Variants in CRADD observed in about 807,000 individuals in gnomAD.
CRADD encodes the protein CARD and death domain containing adaptor protein.
In CRADD, 9 loss-of-function variants were observed where a neutral mutation model predicts 15.5. The ratio of observed to expected loss-of-function variants is 0.58; its 90% CI spans 0.35 to 1.01. CRADD has a LOEUF of 1.01. Ranked by LOEUF, CRADD falls within the 50% of genes least tolerant of loss-of-function variation. The pLI is 0.02. For missense variants in CRADD, 227 were observed against 250.3 expected, an observed-to-expected ratio of 0.91 and a Z score of 0.63; for synonymous variants, 118 against 107.6, an observed-to-expected ratio of 1.10 and a Z score of -0.60.
intron 2 of CRADD, among the ~76,000 whole-genome samples, chr12:93,782,958 G>A (rs1592986310): frequency 6.6e-6 from 1 of 152,012 alleles, no homozygotes; most frequent in East Asian, 1.9e-4. Context: ...GTTTTTGGGG[G>A]TTCTTTACAC....
At chr12:93,717,978 C>T (rs1380401754) in intron 2 of CRADD, among the ~76,000 whole-genome samples, 2 of 152,194 alleles carry the variant, frequency 1.3e-5, no homozygotes, top group Admixed American at 1.3e-4. Context: ...TCAAAGATCA[C>T]TTAACTTTGT....
At chr12:93,815,617 G>C (rs1049863616) in intron 2 of CRADD, 4 of 152,194 alleles carry the variant, frequency 2.6e-5, no homozygotes, top group Non-Finnish European at 4.4e-5. Context: ...GTTATAAAAA[G>C]TGTGTTTTAT....
At chr12:93,743,670 C>T (rs2136931340) in intron 2 of CRADD, among the ~76,000 whole-genome samples, 1 of 152,264 alleles carries the variant, frequency 6.6e-6, no homozygotes, top group African/African-American at 2.4e-5. Context: ...GTGGTGCATG[C>T]TTGAAGACCG....
At chr12:93,750,874 T>C (rs1956821076) in intron 2 of CRADD, among the ~76,000 whole-genome samples, 1 of 152,214 alleles carries the variant, frequency 6.6e-6, no homozygotes, top group Non-Finnish European at 1.5e-5. Flanking sequence ...TATAGTATGA[T>C]AGAGAGGTAA....
chr12:93,747,895 A>G (rs1302284036), intron 2 of CRADD, among the ~76,000 whole-genome samples: 1 of 152,020 alleles, frequency 6.6e-6, no homozygotes, highest in African/African-American at 2.4e-5. Context: ...CTGAAATAAC[A>G]CCGCTTTTAA....
At chr12:93,847,509 A>AC (rs1484812890) in intron 2 of CRADD, among the ~76,000 whole-genome samples, 3 of 147,622 alleles carry the variant, frequency 2.0e-5, no homozygotes, top group African/African-American at 5.0e-5. Context: ...AAAAAAAAAA[A>AC]AAAAAAAAAA....
intron 2 of CRADD, among the ~76,000 whole-genome samples, chr12:93,779,138 G>A (rs1957172035): frequency 6.6e-6 from 1 of 152,194 alleles, no homozygotes; most frequent in Non-Finnish European, 1.5e-5. Context: ...TGTAGTCATT[G>A]ATGAGGACTT....
At chr12:93,739,753 T>G (rs1344965709) in intron 2 of CRADD, among the ~76,000 whole-genome samples, 1 of 152,166 alleles carries the variant, frequency 6.6e-6, no homozygotes, top group Non-Finnish European at 1.5e-5. Flanking sequence ...AAAAATTATT[T>G]TTCATTTAAC....
At chr12:93,738,451 T>C (rs1349222517) in intron 2 of CRADD, 12 of 702,266 alleles carry the variant, frequency 1.7e-5, no homozygotes, top group Middle Eastern at 4.6e-4. Context: ...CACTCTGTTA[T>C]GAAGTCTACC....
rs56689824 is a variant in CRADD, at chr12:93,810,551, CAAAAAAAAAAAAAAAAAAAAAAAAA to C, written c.299-39403_299-39379del. On this transcript the variant is annotated intron_variant, in intron 2 of 2. Coordinates refer to ENST00000332896, the MANE Select transcript of CRADD (RefSeq NM_003805.5). Reference sequence around the variant, plus strand: ...GGGCAACAAGAGCGCAAATCAGTCTCAAAAAAAAAAAAAAAAAAAAAAAAAAAAAAAAAAAAAAAAGAATAGGGAA... The same window carrying C: ...GGGCAACAAGAGCGCAAATCAGTCTCAAAAAAAAAAAAAAAGAATAGGGAA... Among the ~76,000 whole-genome samples the C allele has an allele frequency of 7.1e-3, 279 of 39,076 alleles. 2 individuals are homozygous for C. The Middle Eastern group carries it at 0.13, about 19-fold the overall frequency. 25.6% of individuals were successfully genotyped at this position (39,076 alleles called of 152,430 possible).
intron 2 of CRADD, among the ~76,000 whole-genome samples, chr12:93,683,699 C>T (rs1005066253): frequency 4.6e-5 from 7 of 152,224 alleles, no homozygotes; most frequent in Admixed American, 3.3e-4. Context: ...CCACACCTGC[C>T]GCCCTCCTGA....
intron 2 of CRADD, among the ~76,000 whole-genome samples, chr12:93,702,348 G>A (rs1278647117): frequency 2.0e-5 from 3 of 151,292 alleles, no homozygotes; most frequent in Non-Finnish European, 3.0e-5. Flanking sequence ...GCTGGCCTAG[G>A]GAGAGAAAAA....
chr12:93,814,381 A>C (rs1286628626), intron 2 of CRADD, among the ~76,000 whole-genome samples: 2 of 152,156 alleles, frequency 1.3e-5, no homozygotes, highest in Non-Finnish European at 2.9e-5. Flanking sequence ...GAATGAAATG[A>C]GTAAAGTTCA....
intron 2 of CRADD, among the ~76,000 whole-genome samples, chr12:93,846,215 A>G (rs547401458): frequency 6.6e-6 from 1 of 152,306 alleles, no homozygotes; most frequent in African/African-American, 2.4e-5. Context: ...ACCTTTGGCT[A>G]TTGTGAATAA....
chr12:93,781,263 A>G (rs1300303498), intron 2 of CRADD, among the ~76,000 whole-genome samples: 1 of 152,160 alleles, frequency 6.6e-6, no homozygotes, highest in East Asian at 1.9e-4. Flanking sequence ...CTAAAGACAC[A>G]AGACAATAAG....
At chr12:93,772,004 TGC>T (rs1448442608) in intron 2 of CRADD, among the ~76,000 whole-genome samples, 1 of 152,248 alleles carries the variant, frequency 6.6e-6, no homozygotes, top group Non-Finnish European at 1.5e-5. Context: ...GTTGAATGTA[TGC>T]TTTATTTAAA....
In CRADD at chr12:93,729,677, C is replaced by T. The variant is rs140313131; in HGVS notation, c.298+50605C>T. On this transcript the variant is annotated intron_variant, in intron 2 of 2. Coordinates refer to ENST00000332896, the MANE Select transcript of CRADD (RefSeq NM_003805.5). ...GTGCATGTCTGAAATCCCAGCTACT[C>T]GGGAGGCTGAGGCAGGAGAATTGCT... Among the ~76,000 whole-genome samples, 415 of 150,898 alleles carry T rather than the reference C, an allele frequency of 2.8e-3. 6 individuals carry two copies. The East Asian group carries it at 0.047, about 17-fold the overall frequency.
chr12:93,680,636 A>G (rs1955263525), intron 2 of CRADD, among the ~76,000 whole-genome samples: 1 of 152,228 alleles, frequency 6.6e-6, no homozygotes, highest in Non-Finnish European at 1.5e-5. Flanking sequence ...ACATGTCTGA[A>G]CAAAATGTAT....
At chr12:93,680,559 A>G (rs1320950353) in intron 2 of CRADD, among the ~76,000 whole-genome samples, 3 of 152,206 alleles carry the variant, frequency 2.0e-5, no homozygotes, top group Non-Finnish European at 2.9e-5. Context: ...GAAATATTAG[A>G]CATAGCTGGC....
Sources: gnomAD v4.1 joint callset for allele counts (sites outside exome capture counted in the v4.1 genomes callset) on GRCh38, gnomAD v4.1.1 for gene constraint, MANE v1.5 for transcripts, NCBI Gene and HGNC (gene_info 2026-07-23, HGNC 2026-07-21) for gene names.